The following SLIT3 variants were observed in gnomAD, a reference collection of about 807,000 sequenced individuals.
SLIT3 encodes the protein slit guidance ligand 3.
Under a neutral mutation model 184.0 loss-of-function variants are expected in SLIT3, and 68 were observed. The observed-to-expected ratio is 0.37, with a 90% CI of 0.30 to 0.45. The LOEUF is 0.45. SLIT3 is among the 20% of genes least tolerant of loss of function. SLIT3 has a pLI of 1.00. For missense variants in SLIT3, 1,707 were observed against 2,026.0 expected (o/e 0.84, Z 3.02); for synonymous variants, 831 against 828.6 (o/e 1.00, Z -0.05).
At chr5:168,933,132 G>A (rs1562013451) in intron 4 of SLIT3, among the ~76,000 whole-genome samples, 1 of 152,182 alleles carries the variant, frequency 6.6e-6, no homozygotes, top group Non-Finnish European at 1.5e-5. Flanking sequence ...CAGGGGGGTG[G>A]TGAAATAAGG....
intron 4 of SLIT3, among the ~76,000 whole-genome samples, chr5:169,045,918 CTG>C (rs1207273652): frequency 6.6e-6 from 1 of 152,202 alleles, no homozygotes; most frequent in East Asian, 1.9e-4. Flanking sequence ...CAGTAACTGA[CTG>C]TGTTTTGTGC....
intron 5 of SLIT3, among the ~76,000 whole-genome samples, chr5:168,874,742 T>A (rs1759667838): frequency 6.6e-6 from 1 of 152,220 alleles, no homozygotes; most frequent in Non-Finnish European, 1.5e-5. Flanking sequence ...ACTGTATATG[T>A]CTTTATCAGA....
intron 20 of SLIT3, among the ~76,000 whole-genome samples, chr5:168,744,934 A>G (rs944043093): frequency 5.9e-5 from 9 of 152,240 alleles, no homozygotes; most frequent in African/African-American, 2.2e-4. Context: ...TAAGAAATAT[A>G]TTTTGTAAGG....
rs147263828 is a variant in SLIT3, at chr5:168,893,303, G to C, written c.414-9967C>G. Among the ~76,000 whole-genome samples the C allele has an allele frequency of 5.4e-3, 818 of 152,244 alleles. 25 individuals carry two copies. Among genetic ancestry groups the C allele is most frequent in the East Asian group, 0.022 (115 of 5,174 alleles). On this transcript the variant is annotated intron_variant, in intron 4 of 35. Transcript: ENST00000519560. ...GCTGTGTGTCTGCCCAGTGGGGTTT[G>C]GGAAAGGGAACCCATTTCTATACAA... is the stretch of plus-strand genomic sequence containing the variant.
chr5:168,993,507 G>T (rs1755402524), intron 4 of SLIT3, among the ~76,000 whole-genome samples: 1 of 152,222 alleles, frequency 6.6e-6, no homozygotes, highest in Admixed American at 6.5e-5. Context: ...AATCCCCCAT[G>T]GGGGTCAACC....
rs1358085160 is a variant in SLIT3, at chr5:168,724,322, C to T, written c.2339+94G>A. The T allele has an allele frequency of 5.4e-6, 5 of 931,442 alleles. 1 individual carries two copies. The South Asian group carries it at 5.7e-5, about 11-fold the overall frequency. The allele number at this position is 931,442 out of a possible 1,614,324, so 57.7% of individuals were successfully genotyped here. A position where few individuals can be genotyped will look rare whatever the true frequency, so the allele number is the denominator to read the frequency against. On this transcript the variant is annotated intron_variant, in intron 21 of 35. Transcript: ENST00000519560. ...ATCTTTCAATTACCACTTGCATCAG[C>T]CTGCAGCTCTGTTCTCTCTTACCAT...
At chr5:168,774,934 C>A (rs1478570117) in intron 12 of SLIT3, among the ~76,000 whole-genome samples, 5 of 152,092 alleles carry the variant, frequency 3.3e-5, no homozygotes, top group African/African-American at 1.2e-4. Context: ...ATGTGCACAC[C>A]CACAGAGAGC....
chr5:169,039,302 TAA>T (rs1757366110), intron 4 of SLIT3, among the ~76,000 whole-genome samples: 1 of 147,676 alleles, frequency 6.8e-6, no homozygotes, highest in Non-Finnish European at 1.5e-5. Flanking sequence ...CCGTAAGAGT[TAA>T]GTTTTTTTTT....
At chr5:169,119,772 G>T (rs768683862) in intron 4 of SLIT3, 1 of 152,128 alleles carries the variant, frequency 6.6e-6, no homozygotes, top group Non-Finnish European at 1.5e-5. Context: ...AAGAGCCAGC[G>T]CTCACCTGAG....
intron 4 of SLIT3, among the ~76,000 whole-genome samples, chr5:169,138,884 A>G (rs1761622972): frequency 6.6e-6 from 1 of 152,250 alleles, no homozygotes; most frequent in Non-Finnish European, 1.5e-5. Context: ...CGAAGTCTTA[A>G]AGTGATCACT....
intron 8 of SLIT3, among the ~76,000 whole-genome samples, chr5:168,810,337 C>T (rs1262422936): frequency 6.6e-6 from 1 of 152,188 alleles, no homozygotes; most frequent in Non-Finnish European, 1.5e-5. Flanking sequence ...GGTCTCATGA[C>T]CCACACTGTC....
At chr5:169,181,567 C>T (rs1763156911) in intron 4 of SLIT3, among the ~76,000 whole-genome samples, 1 of 151,994 alleles carries the variant, frequency 6.6e-6, no homozygotes, top group Admixed American at 6.6e-5. Context: ...TGGTGAAACC[C>T]TGTCTCTACT....
intron 1 of SLIT3, among the ~76,000 whole-genome samples, chr5:169,268,763 A>G (rs1024586899): frequency 5.3e-5 from 8 of 152,172 alleles, no homozygotes; most frequent in Admixed American, 2.6e-4. Context: ...AAGTGAGCCA[A>G]TGCAAGACAA....
chr5:168,826,750 ACTGCATTGTACCGTTT>A (rs1757718567), intron 6 of SLIT3, among the ~76,000 whole-genome samples: 1 of 152,124 alleles, frequency 6.6e-6, no homozygotes, highest in African/African-American at 2.4e-5. Context: ...AGCTAAGGGT[ACTGCATTGTACCGTTT>A]CTTTTCTTTT....
chr5:169,285,891 A>G (rs1213052830), intron 1 of SLIT3, among the ~76,000 whole-genome samples: 1 of 152,196 alleles, frequency 6.6e-6, no homozygotes, highest in Non-Finnish European at 1.5e-5. Flanking sequence ...GATGCCTCAG[A>G]CTGTATGGAG....
chr5:169,006,233 T>C lies in SLIT3; in HGVS notation c.414-122897A>G, dbSNP rs183590544. Among the ~76,000 whole-genome samples the C allele has an allele frequency of 3.1e-4, 47 of 152,326 alleles. No homozygotes were observed. The East Asian group carries it at 5.0e-3, about 16-fold the overall frequency. The stretch of plus-strand genomic sequence containing the variant: ...CCATCCTCTGAATTTGGGTATATGG[T>C]AAACCTTAAAGCATTCTCTTCTCTA... On this transcript the variant is annotated intron_variant, in intron 4 of 35. Transcript: ENST00000519560.
At chr5:168,878,058 A>G (rs1289489633) in intron 5 of SLIT3, among the ~76,000 whole-genome samples, 1 of 152,060 alleles carries the variant, frequency 6.6e-6, no homozygotes, top group Non-Finnish European at 1.5e-5. Context: ...TTCTGCATAC[A>G]GTAGGCATTT....
intron 5 of SLIT3, among the ~76,000 whole-genome samples, chr5:168,882,507 C>T (rs896059291): frequency 6.6e-6 from 1 of 152,182 alleles, no homozygotes; most frequent in Non-Finnish European, 1.5e-5. Flanking sequence ...TATGCCTGCG[C>T]TCACACAGGC....
chr5:169,198,194 T>C (rs758866649), intron 3 of SLIT3, among the ~76,000 whole-genome samples: 7 of 152,256 alleles, frequency 4.6e-5, no homozygotes, highest in African/African-American at 9.6e-5. Context: ...AAAAATGTCA[T>C]ATGCTAGTGA....
Sources: allele counts gnomAD v4.1 joint callset (sites outside exome capture counted in the v4.1 genomes callset), GRCh38; gene constraint gnomAD v4.1.1; transcripts MANE v1.5; gene names NCBI Gene and HGNC (gene_info 2026-07-23, HGNC 2026-07-21).